Variants in ASIP observed in about 807,000 individuals in gnomAD.
ASIP encodes agouti signaling protein.
In ASIP, 11 loss-of-function variants were observed where a neutral mutation model predicts 10.3. That is an observed-to-expected ratio of 1.07 (90% confidence interval 0.68 to 1.78). ASIP has a LOEUF of 1.78. Ranked by LOEUF, ASIP falls within the 40% of genes most tolerant of loss-of-function variation. ASIP has a pLI of 0.00. For missense variants in ASIP, 180 were observed against 169.2 expected, an observed-to-expected ratio of 1.06 and a Z score of -0.35; for synonymous variants, 70 against 70.8, an observed-to-expected ratio of 0.99 and a Z score of 0.06.
intron 1 of ASIP, among the ~76,000 whole-genome samples, chr20:34,245,652 G>C (rs1023561293): frequency 1.3e-5 from 2 of 151,944 alleles, no homozygotes; most frequent in African/African-American, 4.8e-5. Context: ...GCCTCCCAAA[G>C]TGCTGGGATT....
At chr20:34,246,440 C>T (rs2035377045) in intron 1 of ASIP, 4 of 1,401,804 alleles carry the variant, frequency 2.9e-6, no homozygotes, top group African/African-American at 2.8e-5. Flanking sequence ...TGAACAGACT[C>T]CACAATAAAG....
rs1458675455 is a variant in ASIP, at chr20:34,262,863, A to C, written c.192A>C (p.Arg64Ser). The C allele has an allele frequency of 3.7e-6, 6 of 1,614,126 alleles. No homozygotes were observed. In the East Asian group the frequency reaches 1.3e-4, roughly 36 times the overall value. Reference protein sequence around the residue: ...ALNKKSKQIGRKAAEKKRSSK... With the variant: ...ALNKKSKQIGSKAAEKKRSSK... ...ACAAGAAATCCAAACAGATCGGCAG[A>C]AAAGCAGCAGAAAAGAAAAGATCTT... Residue 64 changes from arginine to serine, a missense_variant, in exon 3 of 4, where the codon AGA (arginine) becomes AGC (serine). Transcript: ENST00000374954.
intron 3 of ASIP, among the ~76,000 whole-genome samples, chr20:34,268,036 T>C (rs1464817546): frequency 6.6e-6 from 1 of 152,212 alleles, no homozygotes; most frequent in Admixed American, 6.5e-5. Flanking sequence ...GCATAAAATG[T>C]AGTTCTAACT....
upstream of ASIP, among the ~76,000 whole-genome samples, chr20:34,193,103 T>C (rs1291651912): frequency 6.6e-6 from 1 of 152,228 alleles, no homozygotes; most frequent in Admixed American, 6.5e-5. Flanking sequence ...TATCTATCTG[T>C]ATAGTCGACA....
the ASIP span, among the ~76,000 whole-genome samples, chr20:34,188,709 A>G: frequency 6.6e-6 from 1 of 152,222 alleles, no homozygotes; most frequent in Admixed American, 6.5e-5. Flanking sequence ...AAAAGTTATT[A>G]GTTGATTTAA....
At chr20:34,216,384 C>T (rs893606005) in intron 1 of ASIP, among the ~76,000 whole-genome samples, 6 of 152,216 alleles carry the variant, frequency 3.9e-5, no homozygotes, top group African/African-American at 1.4e-4. Flanking sequence ...CGTCTCCTGT[C>T]TATTTCTTAT....
chr20:34,219,382 C>T (rs539193430), intron 1 of ASIP, among the ~76,000 whole-genome samples: 32 of 152,276 alleles, frequency 2.1e-4, no homozygotes, highest in African/African-American at 7.5e-4. Context: ...ATTGTTATCC[C>T]CATTTTTAAT....
chr20:34,209,355 G>T (rs1296640466), intron 1 of ASIP, among the ~76,000 whole-genome samples: 1 of 152,240 alleles, frequency 6.6e-6, no homozygotes, highest in African/African-American at 2.4e-5. Flanking sequence ...CCTCACGGGT[G>T]CAGCTACAGC....
At chr20:34,197,368 G>GA (rs1161193590) in intron 1 of ASIP, among the ~76,000 whole-genome samples, 1 of 152,050 alleles carries the variant, frequency 6.6e-6, no homozygotes, top group Non-Finnish European at 1.5e-5. Flanking sequence ...CTCAAAAATA[G>GA]AAAAAAAGAA....
chr20:34,214,933 T>G, intron 1 of ASIP: 1 of 1,474,320 alleles, frequency 6.8e-7, no homozygotes, highest in Non-Finnish European at 9.5e-7. Flanking sequence ...ATTCCCATTC[T>G]TAGTTAATTT....
intron 1 of ASIP, among the ~76,000 whole-genome samples, chr20:34,200,202 C>CT (rs996268720): frequency 1.3e-5 from 2 of 152,096 alleles, no homozygotes; most frequent in Non-Finnish European, 2.9e-5. Flanking sequence ...TAACTGGTTC[C>CT]TTTTTTTAAA....
At chr20:34,188,571 T>C in the ASIP span, among the ~76,000 whole-genome samples, 671 of 152,344 alleles carry the variant, frequency 4.4e-3, 1 homozygote, top group Middle Eastern at 0.014. Flanking sequence ...GCTCTCCTGG[T>C]AACAGTAGTT....
chr20:34,264,146 A>G (rs1395416960), intron 3 of ASIP, among the ~76,000 whole-genome samples: 1 of 152,240 alleles, frequency 6.6e-6, no homozygotes, highest in Non-Finnish European at 1.5e-5. Context: ...AATCTATTAT[A>G]AAAAATTAAA....
At chr20:34,246,879 C>G (rs1324300481) in intron 1 of ASIP, among the ~76,000 whole-genome samples, 1 of 152,056 alleles carries the variant, frequency 6.6e-6, no homozygotes, top group Non-Finnish European at 1.5e-5. Flanking sequence ...CTCTCCTTTC[C>G]TTTTCTGCCT....
At chr20:34,258,186 C>T (rs1315655863) in intron 1 of ASIP, among the ~76,000 whole-genome samples, 1 of 151,638 alleles carries the variant, frequency 6.6e-6, no homozygotes, top group African/African-American at 2.4e-5. Flanking sequence ...TAGTTAAGTG[C>T]TCCATCGGTT....
intron 1 of ASIP, among the ~76,000 whole-genome samples, chr20:34,219,204 A>G (rs553137739): frequency 6.6e-6 from 1 of 152,236 alleles, no homozygotes; most frequent in Non-Finnish European, 1.5e-5. Context: ...AATACACTAG[A>G]CTAGACACTA....
intron 3 of ASIP, among the ~76,000 whole-genome samples, chr20:34,264,861 T>C (rs1470724429): frequency 2.1e-5 from 3 of 141,380 alleles, no homozygotes; most frequent in Non-Finnish European, 4.6e-5. Context: ...AGTGGCACCA[T>C]CTCGGCTCAT....
intron 1 of ASIP, among the ~76,000 whole-genome samples, chr20:34,233,827 T>C (rs1601582841): frequency 6.6e-6 from 1 of 152,076 alleles, no homozygotes; most frequent in African/African-American, 2.4e-5. Flanking sequence ...AACCATTACC[T>C]GAGAAAAAGT....
At chr20:34,235,643 G>A (rs1254709678) in intron 1 of ASIP, among the ~76,000 whole-genome samples, 2 of 151,716 alleles carry the variant, frequency 1.3e-5, no homozygotes, top group Non-Finnish European at 2.9e-5. Flanking sequence ...GTCTGGCTGG[G>A]CATGGTAGCG....
Sources: gnomAD v4.1 joint callset for allele counts (sites outside exome capture counted in the v4.1 genomes callset) on GRCh38, gnomAD v4.1.1 for gene constraint, MANE v1.5 for transcripts, NCBI Gene and HGNC (gene_info 2026-07-23, HGNC 2026-07-21) for gene names.